Variants in L3MBTL1 observed in about 807,000 individuals in gnomAD.
The protein encoded by L3MBTL1 is L3MBTL histone methyl-lysine binding protein 1, also known as lethal(3)malignant brain tumor-like protein 1.
A neutral mutation model predicts 105.3 loss-of-function variants in L3MBTL1; 75 were observed. The ratio of observed to expected loss-of-function variants is 0.71; its 90% CI spans 0.59 to 0.86. The LOEUF (loss-of-function observed/expected upper bound fraction) is 0.86, where lower values mean the gene tolerates loss of function less well. L3MBTL1 is among the 40% of genes least tolerant of loss of function. The pLI is 0.00. For missense variants in L3MBTL1, 1,069 were observed against 1,126.4 expected (o/e 0.95, Z 0.73); for synonymous variants, 452 against 436.2 (o/e 1.04, Z -0.45).
chr20:43,533,016 G>T (rs1447645182), intron 12 of L3MBTL1, 92 bp downstream of exon 12: 2 of 1,276,780 alleles, frequency 1.6e-6, no homozygotes, highest in African/African-American at 2.9e-5. Flanking sequence ...GCACCACTCA[G>T]TCCAGTTCTG....
chr20:43,519,591 G>C (rs552506902), intron 7 of L3MBTL1, among the ~76,000 whole-genome samples: 4 of 152,222 alleles, frequency 2.6e-5, no homozygotes, highest in Admixed American at 2.6e-4. Flanking sequence ...AGTTGAGATC[G>C]TGCCATTGCA....
Position 43,541,040 on chromosome 20 carries a change from T to C in L3MBTL1, c.2501T>C (p.Ile834Thr). 6.2e-7 allele frequency: 1 copy of C among 1,614,200 alleles called. No individual in the cohort carries two copies. The highest frequency in any genetic ancestry group is 8.5e-7 in the Non-Finnish European group (1 of 1,180,046). ...GATCATCTTCAGGAAGGAAAAGGCATCCTGGAGACAGGAGTCCATTCACTC... is the reference window on the plus strand; with the variant it reads ...GATCATCTTCAGGAAGGAAAAGGCACCCTGGAGACAGGAGTCCATTCACTC... ...CSDHLQEGKGILETGVHSLLC... is the reference protein window; with the variant it reads ...CSDHLQEGKGTLETGVHSLLC... Residue 834 changes from isoleucine to threonine, a missense_variant, in exon 22 of 22, where the codon ATC (isoleucine) becomes ACC (threonine). By Grantham distance (89) the Ile-to-Thr change is moderately conservative (BLOSUM62 -1). Transcript: ENST00000418998.
In L3MBTL1 at chr20:43,517,952, G is replaced by A. The variant is rs1414525976; in HGVS notation, c.862+1775G>A. Among the ~76,000 whole-genome samples the A allele has an allele frequency of 2.6e-5, 4 of 152,174 alleles. No homozygotes were observed. The South Asian group carries it at 8.3e-4, about 32-fold the overall frequency. On this transcript the variant is annotated intron_variant, in intron 7 of 21. Coordinates refer to ENST00000418998, the MANE Select transcript of L3MBTL1 (RefSeq NM_001377303.1). ...GAAGGCAAAGGTTTAGCTCTCTTTG[G>A]TTTATGGCCTCTTAAGACTTATGCA... is the stretch of plus-strand genomic sequence containing the variant.
At position 43,513,824 on chromosome 20, in the gene L3MBTL1, A is replaced by G. The variant is rs1322485221; in HGVS notation, c.137-14A>G. The G allele has an allele frequency of 4.5e-6, 7 of 1,550,234 alleles. No individual in the cohort carries two copies. The highest frequency in any genetic ancestry group is 1.2e-5 in the South Asian group (1 of 84,046). ...ACTCACCTGTGTCGTGTCTATTTGT[A>G]TATCTGTTTACAGCCAGTTCGGCCA... is the stretch of plus-strand genomic sequence containing the variant. On this transcript the variant is annotated splice_polypyrimidine_tract_variant and intron_variant, in intron 2 of 21. Transcript: ENST00000418998.
intron 1 of L3MBTL1, among the ~76,000 whole-genome samples, chr20:43,508,472 A>G (rs1044698462): frequency 6.6e-6 from 1 of 152,338 alleles, no homozygotes; most frequent in South Asian, 2.1e-4. Context: ...TTTTCTGGGT[A>G]GCTGTCGAGG....
exon 19 of L3MBTL1, chr20:43,548,555 A>G (rs528586109): frequency 1.1e-5 from 2 of 182,478 alleles, no homozygotes; most frequent in African/African-American, 4.7e-5. Context: ...TGTATTACCA[A>G]AGGGTCTTTT....
chr20:43,542,611 C>CAAAAAAA (rs5841503), downstream of L3MBTL1, among the ~76,000 whole-genome samples: 7 of 112,646 alleles, frequency 6.2e-5, no homozygotes, highest in Admixed American at 1.9e-4. Flanking sequence ...AAAAATTTAA[C>CAAAAAAA]AAAAAAAAAA....
downstream of L3MBTL1, among the ~76,000 whole-genome samples, chr20:43,542,359 T>C (rs991341961): frequency 1.8e-4 from 28 of 152,190 alleles, no homozygotes; most frequent in African/African-American, 6.5e-4. Context: ...CCCTCTGTGT[T>C]GGTGATCTTC....
chr20:43,541,983 G>T (rs1459051166), downstream of L3MBTL1: 7 of 785,914 alleles, frequency 8.9e-6, no homozygotes, highest in Non-Finnish European at 9.3e-6. Context: ...GGCCACGGTG[G>T]GTGGATCACC....
At chr20:43,536,708 C>T (rs575595740) in intron 19 of L3MBTL1, among the ~76,000 whole-genome samples, 10 of 152,172 alleles carry the variant, frequency 6.6e-5, no homozygotes, top group Admixed American at 5.9e-4. Flanking sequence ...CAGAGCTTCT[C>T]GGGGCCTTTG....
Position 43,541,299 on chromosome 20 carries a change from T to A in L3MBTL1, c.*171T>A. ...TGTCAGCTTTGGAGACAGTCTGGGT[T>A]TAAATCCCAGTTCTGTCAATTTGAG... On this transcript the variant is annotated 3_prime_UTR_variant, in exon 22 of 22. Coordinates refer to ENST00000418998, the MANE Select transcript of L3MBTL1 (RefSeq NM_001377303.1). 1 of 1,282,536 alleles carries A rather than the reference T, an allele frequency of 7.8e-7. No homozygotes were observed. Among genetic ancestry groups the A allele is most frequent in the Non-Finnish European group, 1.0e-6 (1 of 962,906 alleles). The allele number at this position is 1,282,536 out of a possible 1,614,324, so 79.4% of individuals were successfully genotyped here.
In L3MBTL1 at chr20:43,533,944, TG is replaced by T. The variant is rs1002878145; in HGVS notation, c.1514-59del. On this transcript the variant is annotated intron_variant, in intron 13 of 21. Transcript: ENST00000418998. The stretch of plus-strand genomic sequence containing the variant: ...TCCCTTCCATGTTCCTGGTCCTGCT[TG>T]GGGGCAGAGGGCTTCCGCAGTACAC... The T allele has an allele frequency of 4.3e-6, 5 of 1,150,796 alleles. No homozygotes were observed. In the Admixed American group the frequency reaches 6.8e-5, roughly 16 times the overall value. 71.3% of individuals were successfully genotyped at this position (1,150,796 alleles called of 1,614,324 possible). A position where few individuals can be genotyped will look rare whatever the true frequency, so the allele number is the denominator to read the frequency against.
downstream of L3MBTL1, among the ~76,000 whole-genome samples, chr20:43,546,319 G>A (rs901025369): frequency 1.3e-5 from 2 of 152,232 alleles, no homozygotes; most frequent in African/African-American, 4.8e-5. Context: ...CCCCTGAGCT[G>A]CATGAGTCAT....
At chr20:43,532,734 G>A (rs945311243) in intron 11 of L3MBTL1, 39 bp from the exon 12 acceptor site, 2 of 1,613,058 alleles carry the variant, frequency 1.2e-6, no homozygotes, top group African/African-American at 2.7e-5. Flanking sequence ...GTCTTAGCCA[G>A]CTTGGCCCTG....
At chr20:43,514,942 G>C (rs978610904) in intron 4 of L3MBTL1, 67 bp from the exon 5 acceptor site, 11 of 1,568,694 alleles carry the variant, frequency 7.0e-6, no homozygotes, top group Non-Finnish European at 9.5e-6. Context: ...GGCCTGAGGG[G>C]GCGTGGGCGG....
In L3MBTL1 at chr20:43,536,121, C is replaced by T. The variant is rs758837538; in HGVS notation, c.1950C>T (p.Asp650=). 48 of 1,613,338 alleles carry T rather than the reference C, an allele frequency of 3.0e-5. No individual in the cohort carries two copies. The highest frequency in any genetic ancestry group is 6.7e-5 in the African/African-American group (5 of 74,944). Reference sequence around the variant, plus strand: ...GGAAGTGCCCCACTCCTGGTTGCGACGGCTCTGGCCATGTCACAGGCAAGT... The same window carrying T: ...GGAAGTGCCCCACTCCTGGTTGCGATGGCTCTGGCCATGTCACAGGCAAGT... ...HHRKCPTPGC[D]GSGHVTGKFT... Residue 650 remains aspartate, a synonymous_variant, in exon 18 of 22, where the codon GAC becomes GAT. Coordinates refer to ENST00000418998, the MANE Select transcript of L3MBTL1 (RefSeq NM_001377303.1).
chr20:43,516,860 C>T (rs1056116209), intron 7 of L3MBTL1, among the ~76,000 whole-genome samples: 11 of 151,938 alleles, frequency 7.2e-5, no homozygotes, highest in Non-Finnish European at 1.6e-4. Context: ...GTGGTGCAAA[C>T]ACAGCTCACT....
intron 3 of L3MBTL1, 100 bp from the exon 4 acceptor site, chr20:43,514,535 G>T: frequency 6.3e-7 from 1 of 1,577,534 alleles, no homozygotes; most frequent in East Asian, 2.3e-5. Flanking sequence ...TGCTGAGGGC[G>T]TGAGCTGGCA....
At chr20:43,550,544 C>T (rs2269621) in exon 19 of L3MBTL1, 27,993 of 152,166 alleles carry the variant, frequency 0.18, 2,689 homozygotes, top group Middle Eastern at 0.26. Flanking sequence ...GATATTATTG[C>T]ACCTTGACCT....
Sources: allele counts gnomAD v4.1 joint callset (sites outside exome capture counted in the v4.1 genomes callset), GRCh38; gene constraint gnomAD v4.1.1; transcripts MANE v1.5; gene names NCBI Gene and HGNC (gene_info 2026-07-23, HGNC 2026-07-21).